PCDH15: variants seen among roughly 807,000 people sequenced by gnomAD.
The protein encoded by PCDH15 is protocadherin-15.
In PCDH15, 129 loss-of-function variants were observed where a neutral mutation model predicts 178.5. The observed-to-expected ratio is 0.72, with a 90% CI of 0.63 to 0.84. The LOEUF is 0.84. Among genes scored for constraint, PCDH15 ranks in the 40% least tolerant of loss-of-function variants. The pLI, the probability that PCDH15 is intolerant of heterozygous loss-of-function variation, is 0.00. For missense variants in PCDH15, 2,230 were observed against 2,099.9 expected (o/e 1.06, Z -1.21); for synonymous variants, 800 against 732.0 (o/e 1.09, Z -1.50).
At chr10:54,173,335 C>T (rs990519953) in intron 13 of PCDH15, among the ~76,000 whole-genome samples, 15 of 152,120 alleles carry the variant, frequency 9.9e-5, no homozygotes, top group African/African-American at 3.4e-4. Context: ...AAATGCTCTA[C>T]ACAATAAATC....
chr10:54,077,244 T>C (rs2094357575), intron 17 of PCDH15, among the ~76,000 whole-genome samples: 1 of 152,152 alleles, frequency 6.6e-6, no homozygotes, highest in East Asian at 1.9e-4. Context: ...AGTGATTATA[T>C]GAGGAAACGA....
intron 2 of PCDH15, among the ~76,000 whole-genome samples, chr10:54,657,721 A>C (rs1227108718): frequency 2.0e-5 from 3 of 152,230 alleles, no homozygotes; most frequent in Non-Finnish European, 4.4e-5. Flanking sequence ...AAATGATAGA[A>C]AATTCAAAAA....
At chr10:55,440,109 T>C (rs554179773) in intron 2 of PCDH15, among the ~76,000 whole-genome samples, 1 of 152,146 alleles carries the variant, frequency 6.6e-6, no homozygotes, top group African/African-American at 2.4e-5. Context: ...TTGGAATGGA[T>C]AAAAATAAAT....
chr10:55,260,665 C>T (rs1564943039), intron 1 of PCDH15, among the ~76,000 whole-genome samples: 1 of 152,084 alleles, frequency 6.6e-6, no homozygotes, highest in Non-Finnish European at 1.5e-5. Flanking sequence ...GGAGGCAAAC[C>T]TCTAGGTAAT....
At chr10:54,978,640 A>C (rs1839136481) in intron 2 of PCDH15, among the ~76,000 whole-genome samples, 1 of 152,260 alleles carries the variant, frequency 6.6e-6, no homozygotes, top group African/African-American at 2.4e-5. Flanking sequence ...AAGAAGACTC[A>C]CTAGAGAAGA....
intron 1 of PCDH15, among the ~76,000 whole-genome samples, chr10:55,266,014 CAGTT>C (rs1192079665): frequency 6.6e-6 from 1 of 152,106 alleles, no homozygotes; most frequent in African/African-American, 2.4e-5. Context: ...ACGGCAAAAA[CAGTT>C]AGCTGTCTTC....
intron 1 of PCDH15, among the ~76,000 whole-genome samples, chr10:54,725,532 A>AT: frequency 7.7e-6 from 1 of 130,200 alleles, no homozygotes; most frequent in Admixed American, 8.0e-5. Context: ...ATGTTTATAT[A>AT]AATATAATTA....
intron 3 of PCDH15, among the ~76,000 whole-genome samples, chr10:54,815,744 G>A (rs1952936876): frequency 6.6e-6 from 1 of 152,020 alleles, no homozygotes; most frequent in Non-Finnish European, 1.5e-5. Flanking sequence ...CTTAATATAT[G>A]CTATATAGAT....
chr10:54,953,477 T>G (rs889164566), intron 2 of PCDH15, among the ~76,000 whole-genome samples: 1 of 151,490 alleles, frequency 6.6e-6, no homozygotes. Flanking sequence ...GTTTCCAAAT[T>G]TCTAACAATT....
intron 1 of PCDH15, among the ~76,000 whole-genome samples, chr10:55,184,124 C>T (rs1839729800): frequency 6.6e-6 from 1 of 151,882 alleles, no homozygotes; most frequent in South Asian, 2.1e-4. Context: ...GTATTCAGAG[C>T]TGGTAACTAA....
chr10:55,608,303 G>A (rs747156122), intron 2 of PCDH15, among the ~76,000 whole-genome samples: 2 of 150,910 alleles, frequency 1.3e-5, no homozygotes, highest in Admixed American at 1.3e-4. Context: ...AAGGGAAGCA[G>A]AGGGAAGGGG....
At chr10:54,894,659 T>C (rs1241125337) in intron 3 of PCDH15, among the ~76,000 whole-genome samples, 2 of 152,130 alleles carry the variant, frequency 1.3e-5, no homozygotes, top group Admixed American at 6.5e-5. Context: ...GTTATTCCTA[T>C]GGCCAACCAG....
rs11412877 is a variant in PCDH15, at chr10:55,210,618, C to CTTTTTTTTTTTTTTTTTTTTTTT, written c.-155-43990_-155-43968dup. The stretch of plus-strand genomic sequence containing the variant: ...ACGATTTTTTTTTCTTTTTTCTTTT[C>CTTTTTTTTTTTTTTTTTTTTTTT]TTTTTTTTTTTTTTTTTTTTTTTTT... On this transcript the variant is annotated intron_variant, in intron 1 of 5. Coordinates refer to the PCDH15 transcript ENST00000458638. 8.7e-4 allele frequency among the ~76,000 whole-genome samples: 35 copies of CTTTTTTTTTTTTTTTTTTTTTTT among 40,348 alleles called. 5 individuals carry two copies. The highest frequency in any genetic ancestry group is 1.3e-3 in the South Asian group (1 of 800). The allele number at this position is 40,348 out of a possible 152,430, so 26.5% of individuals were successfully genotyped here. A position where few individuals can be genotyped will look rare whatever the true frequency, so the allele number is the denominator to read the frequency against.
chr10:54,622,085 G>GCC, intron 2 of PCDH15, among the ~76,000 whole-genome samples: 1 of 98,790 alleles, frequency 1.0e-5, no homozygotes, highest in African/African-American at 3.6e-5. Flanking sequence ...GTGATATATA[G>GCC]TAAGAATGAG....
chr10:55,341,805 A>ATTTTTTTTT (rs869187882), intron 2 of PCDH15, among the ~76,000 whole-genome samples: 1 of 16,328 alleles, frequency 6.1e-5, no homozygotes, highest in Admixed American at 1.1e-3. Context: ...ATATATATAT[A>ATTTTTTTTT]TTTTTTTTTT....
intron 27 of PCDH15, among the ~76,000 whole-genome samples, chr10:53,863,173 G>A (rs535109013): frequency 4.1e-4 from 63 of 152,264 alleles, no homozygotes; most frequent in African/African-American, 1.4e-3. Context: ...AAGTATGAGC[G>A]CTTTTACTAT....
chr10:54,516,007 C>T (rs1466260149), intron 3 of PCDH15, among the ~76,000 whole-genome samples: 2 of 152,162 alleles, frequency 1.3e-5, no homozygotes, highest in Non-Finnish European at 2.9e-5. Context: ...ACATCACCAT[C>T]ATCAAAGACC....
intron 13 of PCDH15, among the ~76,000 whole-genome samples, chr10:54,157,824 C>T (rs553164817): frequency 6.6e-6 from 1 of 152,276 alleles, no homozygotes; most frequent in South Asian, 2.1e-4. Flanking sequence ...TTTATTCCGC[C>T]AGGTATCCCA....
chr10:55,026,278 G>A (rs1395578954), intron 2 of PCDH15, among the ~76,000 whole-genome samples: 3 of 151,898 alleles, frequency 2.0e-5, no homozygotes, highest in Non-Finnish European at 4.4e-5. Context: ...ATGACATTAG[G>A]TACCAATATT....
Sources: allele counts gnomAD v4.1 joint callset (sites outside exome capture counted in the v4.1 genomes callset), GRCh38; gene constraint gnomAD v4.1.1; transcripts MANE v1.5; gene names NCBI Gene and HGNC (gene_info 2026-07-23, HGNC 2026-07-21).